EEFSEC: variants seen among roughly 807,000 people sequenced by gnomAD.
The protein encoded by EEFSEC is eukaryotic elongation factor, selenocysteine-tRNA specific.
In EEFSEC, 43 loss-of-function variants were observed where a neutral mutation model predicts 42.1. The observed-to-expected ratio is 1.02, with a 90% confidence interval of 0.80 to 1.32. The LOEUF is 1.32. Ranked by LOEUF, EEFSEC falls within the 40% of genes most tolerant of loss-of-function variation. EEFSEC has a pLI of 0.00. For synonymous variants in EEFSEC, 354 were observed against 339.1 expected, an observed-to-expected ratio of 1.04 and a Z score of -0.48; for missense variants, 745 against 803.6, an observed-to-expected ratio of 0.93 and a Z score of 0.88.
At chr3:128,185,236 A>G (rs2065452995) in intron 1 of EEFSEC, among the ~76,000 whole-genome samples, 1 of 152,146 alleles carries the variant, frequency 6.6e-6, no homozygotes, top group Admixed American at 6.5e-5. Flanking sequence ...GGTATTATAT[A>G]ATGTATGATA....
intron 1 of EEFSEC, among the ~76,000 whole-genome samples, chr3:128,163,515 A>T (rs950957416): frequency 4.6e-5 from 7 of 152,270 alleles, no homozygotes; most frequent in East Asian, 1.9e-4. Flanking sequence ...ATAATTTTTT[A>T]AAATAATTTT....
chr3:128,213,805 A>C (rs1410721575), intron 1 of EEFSEC, among the ~76,000 whole-genome samples: 1 of 152,198 alleles, frequency 6.6e-6, no homozygotes, highest in African/African-American at 2.4e-5. Context: ...TTTTGGTTTT[A>C]TAGTTTTAGT....
At chr3:128,408,016 C>G in intron 6 of EEFSEC, 53 bp from the exon 7 acceptor site, 1 of 1,480,326 alleles carries the variant, frequency 6.8e-7, no homozygotes, top group Non-Finnish European at 9.0e-7. Flanking sequence ...GGCAGGGAGC[C>G]CACGGGTGCT....
intron 1 of EEFSEC, among the ~76,000 whole-genome samples, chr3:128,193,022 G>C (rs367838181): frequency 6.6e-6 from 1 of 152,146 alleles, no homozygotes; most frequent in Non-Finnish European, 1.5e-5. Flanking sequence ...ATGATCTTAC[G>C]TGACAACATG....
At chr3:128,187,460 C>T (rs1346756542) in intron 1 of EEFSEC, among the ~76,000 whole-genome samples, 2 of 152,092 alleles carry the variant, frequency 1.3e-5, no homozygotes, top group African/African-American at 2.4e-5. Context: ...TTTTTGTTTA[C>T]AATTCTTCAG....
chr3:128,301,547 T>C (rs933860447), intron 4 of EEFSEC, among the ~76,000 whole-genome samples: 1 of 152,152 alleles, frequency 6.6e-6, no homozygotes, highest in East Asian at 1.9e-4. Flanking sequence ...CATCAGGATG[T>C]CAAGGGGAGG....
intron 4 of EEFSEC, among the ~76,000 whole-genome samples, chr3:128,284,477 G>A (rs897507706): frequency 6.6e-6 from 1 of 152,038 alleles, no homozygotes; most frequent in African/African-American, 2.4e-5. Context: ...GGGGCTTCTG[G>A]CACTGTGCAG....
At chr3:128,238,040 G>A (rs148665235) in intron 1 of EEFSEC, among the ~76,000 whole-genome samples, 14 of 152,296 alleles carry the variant, frequency 9.2e-5, no homozygotes, top group African/African-American at 2.6e-4. Context: ...TGGTACTAGC[G>A]CTGCCTCTGC....
At chr3:128,389,926 G>A (rs1181153166) in intron 6 of EEFSEC, among the ~76,000 whole-genome samples, 1 of 152,236 alleles carries the variant, frequency 6.6e-6, no homozygotes, top group Non-Finnish European at 1.5e-5. Flanking sequence ...CAGAAGCTGG[G>A]AGTCCGGTTG....
intron 6 of EEFSEC, among the ~76,000 whole-genome samples, chr3:128,379,643 G>A (rs2067750345): frequency 6.6e-6 from 1 of 152,210 alleles, no homozygotes; most frequent in South Asian, 2.1e-4. Context: ...ATGTCTCTGG[G>A]GCCCCTAGGA....
At chr3:128,299,440 G>GT (rs1383660900) in intron 4 of EEFSEC, among the ~76,000 whole-genome samples, 1 of 152,022 alleles carries the variant, frequency 6.6e-6, no homozygotes, top group Non-Finnish European at 1.5e-5. Context: ...TTGTTTGTTT[G>GT]TTTTTTGCTA....
intron 1 of EEFSEC, among the ~76,000 whole-genome samples, chr3:128,158,677 T>G (rs1043464139): frequency 3.9e-5 from 6 of 152,266 alleles, no homozygotes; most frequent in African/African-American, 1.4e-4. Context: ...TATTGCACAC[T>G]TAATTGACGA....
At chr3:128,358,960 A>G (rs1053887842) in intron 6 of EEFSEC, among the ~76,000 whole-genome samples, 2 of 152,202 alleles carry the variant, frequency 1.3e-5, no homozygotes, top group Admixed American at 6.5e-5. Context: ...CCTACACTGC[A>G]TCATGTTCTT....
chr3:128,188,894 A>G (rs1187571721), intron 1 of EEFSEC, among the ~76,000 whole-genome samples: 2 of 152,088 alleles, frequency 1.3e-5, no homozygotes, highest in African/African-American at 4.8e-5. Context: ...TGGGAGTTTG[A>G]TAGAGGGGCT....
At chr3:128,255,811 G>C (rs1269345990) in intron 2 of EEFSEC, among the ~76,000 whole-genome samples, 2 of 150,838 alleles carry the variant, frequency 1.3e-5, no homozygotes, top group African/African-American at 4.8e-5. Context: ...GGAGTCTCTG[G>C]ATGTGAGTCC....
intron 6 of EEFSEC, among the ~76,000 whole-genome samples, chr3:128,405,823 C>A (rs989590262): frequency 6.6e-6 from 1 of 152,248 alleles, no homozygotes; most frequent in Admixed American, 6.5e-5. Context: ...CAGCTTCCTC[C>A]CTGCTCTGGT....
intron 6 of EEFSEC, among the ~76,000 whole-genome samples, chr3:128,398,224 C>T (rs938281304): frequency 6.6e-6 from 1 of 152,208 alleles, no homozygotes; most frequent in African/African-American, 2.4e-5. Flanking sequence ...TAGGGGAAGG[C>T]TGGGCAGGCG....
chr3:128,155,108 G>GT (rs1035016963), intron 1 of EEFSEC, among the ~76,000 whole-genome samples: 26 of 151,076 alleles, frequency 1.7e-4, no homozygotes, highest in African/African-American at 6.4e-4. Context: ...CCCGTTTTTT[G>GT]TTTTTTTGTT....
At chr3:128,315,008 G>T (rs2066929457) in intron 4 of EEFSEC, among the ~76,000 whole-genome samples, 1 of 152,148 alleles carries the variant, frequency 6.6e-6, no homozygotes. Context: ...ATGTGCCTTT[G>T]GGAAGCCAAT....
Sources: allele counts gnomAD v4.1 joint callset (sites outside exome capture counted in the v4.1 genomes callset), GRCh38; gene constraint gnomAD v4.1.1; transcripts MANE v1.5; gene names NCBI Gene and HGNC (gene_info 2026-07-23, HGNC 2026-07-21).